RNF213: variants seen among roughly 807,000 people sequenced by gnomAD.
The protein encoded by RNF213 is ring finger protein 213.
A neutral mutation model predicts 514.4 loss-of-function variants in RNF213; 341 were observed. The ratio of observed to expected loss-of-function variants is 0.66; its 90% CI spans 0.61 to 0.73. The LOEUF is 0.73. RNF213 is among the 30% of genes least tolerant of loss of function. RNF213 has a pLI of 0.00. For missense variants in RNF213, 5,767 were observed against 6,615.6 expected, an observed-to-expected ratio of 0.87 and a Z score of 4.45; for synonymous variants, 2,655 against 2,658.2, an observed-to-expected ratio of 1.00 and a Z score of 0.04.
Position 80,354,635 on chromosome 17 carries a change from C to T in RNF213, c.10862+59C>T, listed in dbSNP as rs2078663313. On this transcript the variant is annotated intron_variant, in intron 36 of 67. Coordinates refer to ENST00000582970, the MANE Select transcript of RNF213 (RefSeq NM_001256071.3). Reference sequence around the variant, plus strand: ...AATCTGGTGGCAGCATGGGGACCTGCCTGCAGGGATCCTCTCTCCATCCGG... The same window carrying T: ...AATCTGGTGGCAGCATGGGGACCTGTCTGCAGGGATCCTCTCTCCATCCGG... 41 of 1,596,144 alleles carry T rather than the reference C, an allele frequency of 2.6e-5. 1 individual carries two copies. In the South Asian group the frequency reaches 4.4e-4, roughly 17 times the overall value.
intron 3 of RNF213, among the ~76,000 whole-genome samples, chr17:80,278,563 T>G (rs1008991682): frequency 3.9e-5 from 6 of 152,148 alleles, no homozygotes; most frequent in Admixed American, 1.3e-4. Context: ...AGGAGCTGCT[T>G]CTTCGTCTTC....
intron 14 of RNF213, among the ~76,000 whole-genome samples, chr17:80,311,924 C>T (rs563969682): frequency 3.9e-5 from 6 of 152,260 alleles, no homozygotes; most frequent in Admixed American, 2.0e-4. Flanking sequence ...GTTAGGAGTT[C>T]GAGACCAGCC....
intron 20 of RNF213, among the ~76,000 whole-genome samples, chr17:80,330,627 T>A (rs1481057994): frequency 6.6e-6 from 1 of 152,244 alleles, no homozygotes; most frequent in African/African-American, 2.4e-5. Context: ...AATTCATGTC[T>A]TCTGTTAGCT....
At chr17:80,391,071 C>T (rs1568176634) in intron 67 of RNF213, among the ~76,000 whole-genome samples, 1 of 151,204 alleles carries the variant, frequency 6.6e-6, no homozygotes, top group Non-Finnish European at 1.5e-5. Context: ...CAAAAACAAA[C>T]AAAAAAAAGA....
Position 80,343,095 on chromosome 17 carries a change from A to T in RNF213, c.5990-37A>T. ...AGTGCTAGGATTACAGGTGTGAGCC[A>T]CCACTCCCAGCCCTAATTTCTGTAT... is the stretch of plus-strand genomic sequence containing the variant. On this transcript the variant is annotated intron_variant, in intron 26 of 67. Coordinates refer to ENST00000582970, the MANE Select transcript of RNF213 (RefSeq NM_001256071.3). This position sits in a 1 kb window ranked among gnomAD's most constrained non-coding sequence, Gnocchi z 4.3. 6.4e-7 allele frequency: 1 copy of T among 1,561,210 alleles called. No individual in the cohort carries two copies. Among genetic ancestry groups the T allele is most frequent in the Non-Finnish European group, 8.8e-7 (1 of 1,132,208 alleles).
intron 35 of RNF213, 86 bp from the exon 36 acceptor site, chr17:80,354,355 C>A: frequency 6.2e-7 from 1 of 1,603,910 alleles, no homozygotes; most frequent in South Asian, 1.1e-5. Flanking sequence ...ACGGACTTCC[C>A]TTCCTGGGGG....
intron 38 of RNF213, among the ~76,000 whole-genome samples, chr17:80,361,183 G>T (rs542001313): frequency 9.8e-5 from 15 of 152,300 alleles, no homozygotes; most frequent in African/African-American, 3.6e-4. Flanking sequence ...TAGCTTGGCT[G>T]TTTCTGACCT....
At chr17:80,381,086 CG>C in intron 56 of RNF213, 99 bp downstream of exon 56, 1 of 1,203,078 alleles carries the variant, frequency 8.3e-7, no homozygotes, top group Middle Eastern at 1.9e-4. Context: ...GCCATCTATG[CG>C]TTTTGGAGAT....
At chr17:80,282,677 C>A (rs1419005429) in intron 3 of RNF213, among the ~76,000 whole-genome samples, 1 of 150,744 alleles carries the variant, frequency 6.6e-6, no homozygotes, top group Non-Finnish European at 1.5e-5. Flanking sequence ...GGATTACAGG[C>A]GTGAGCCACT....
At position 80,349,533 on chromosome 17, in the gene RNF213, G is replaced by A. The variant is rs575376200; in HGVS notation, c.9952-237G>A. Among the ~76,000 whole-genome samples the A allele has an allele frequency of 5.9e-5, 9 of 152,300 alleles. No individual in the cohort carries two copies. In the South Asian group the frequency reaches 8.3e-4, roughly 14 times the overall value. On this transcript the variant is annotated intron_variant, in intron 29 of 67. Transcript: ENST00000582970. ...AGACACGGGCCTCTGGGGAGGAGAG[G>A]AAGGCACCCTCGGGGCAGGGTGGGG...
chr17:80,333,694 C>CA (rs1186047325), intron 21 of RNF213: 1,707 of 145,084 alleles, frequency 0.012, 1 homozygote, highest in South Asian at 0.036. Flanking sequence ...ACTCTTATCT[C>CA]AAAAAAAAAA....
At position 80,346,172 on chromosome 17, in the gene RNF213, CG is replaced by C. The variant is rs764593065; in HGVS notation, c.7838del (p.Arg2613ProfsTer2). On this transcript the variant is annotated frameshift_variant, in exon 29 of 68. Transcript: ENST00000582970. LOFTEE classifies it high-confidence loss of function. This position sits in a 1 kb window ranked among gnomAD's most constrained non-coding sequence, Gnocchi z 8.1. Reference protein sequence around the residue: ...ESISLDENGTRVITEVLCASQ... With the variant: ...ESISLDENGTXVITEVLCASQ... ...CATCAGCCTAGATGAAAACGGGACT[CG>C]CGTGATCACAGAAGTCCTCTGCGCC... The C allele has an allele frequency of 5.0e-6, 8 of 1,614,012 alleles. No individual in the cohort carries two copies. In the African/African-American group the frequency reaches 1.1e-4, roughly 22 times the overall value.
intron 22 of RNF213, among the ~76,000 whole-genome samples, chr17:80,334,625 TTTTG>T (rs1007880720): frequency 6.6e-6 from 1 of 151,750 alleles, no homozygotes; most frequent in Non-Finnish European, 1.5e-5. Flanking sequence ...GGTTTTTTTT[TTTTG>T]TTTGTTTGTT....
At position 80,348,189 on chromosome 17, in the gene RNF213, A is replaced by G; in HGVS notation, c.9854A>G (p.Gln3285Arg). The G allele has an allele frequency of 6.2e-7, 1 of 1,613,888 alleles. No homozygotes were observed. Among genetic ancestry groups the G allele is most frequent in the Non-Finnish European group, 8.5e-7 (1 of 1,180,052 alleles). The change falls in exon 29 of 68, where the codon CAG becomes CGG. Residue 3285 changes from glutamine (Q) to arginine (R), a missense_variant. Coordinates refer to ENST00000582970, the MANE Select transcript of RNF213 (RefSeq NM_001256071.3). ...LGGFAAEWLS[Q>R]EYFHRQRHNS... ...GGGTTCGCAGCGGAGTGGCTGTCGC[A>G]GGAGTACTTTCACAGACAGAGGCAC...
chr17:80,293,157 A>C (rs989332701), intron 8 of RNF213, among the ~76,000 whole-genome samples: 1 of 152,066 alleles, frequency 6.6e-6, no homozygotes, highest in Non-Finnish European at 1.5e-5. Flanking sequence ...ACCAGGGCTC[A>C]GCTGATCCTC....
chr17:80,337,470 G>T, intron 23 of RNF213, 116 bp from the exon 24 acceptor site: 1 of 1,365,578 alleles, frequency 7.3e-7, no homozygotes, highest in South Asian at 1.4e-5. Flanking sequence ...GAGCCCTGGG[G>T]AAGCGTGGGG....
chr17:80,387,953 A>ATTT (rs35624579), intron 63 of RNF213, among the ~76,000 whole-genome samples: 44 of 111,328 alleles, frequency 4.0e-4, no homozygotes, highest in African/African-American at 5.8e-4. Context: ...GAGCCCATGG[A>ATTT]TTTTTTTTTT....
At chr17:80,261,896 A>G (rs1322505831) in intron 1 of RNF213, among the ~76,000 whole-genome samples, 1 of 152,222 alleles carries the variant, frequency 6.6e-6, no homozygotes, top group East Asian at 1.9e-4. Flanking sequence ...GCATGCCTGT[A>G]ACTCCACCTA....
chr17:80,383,074 A>G lies in RNF213; in HGVS notation c.14070+4A>G, dbSNP rs764275188. The G allele has an allele frequency of 2.5e-6, 4 of 1,606,034 alleles. No homozygotes were observed. In the South Asian group the frequency reaches 3.3e-5, roughly 13 times the overall value. ...TGTGATTTCTCCTGAACTGGAGGTA[A>G]GCAGTAAGTGCTGACAGCTGGGTTG... On this transcript the variant is annotated splice_donor_region_variant and intron_variant, in intron 58 of 67. Transcript: ENST00000582970.
Sources: gnomAD v4.1 joint callset for allele counts (sites outside exome capture counted in the v4.1 genomes callset) on GRCh38, gnomAD v4.1.1 for gene constraint, Gnocchi (gnomAD v3.1) non-coding constraint, MANE v1.5 for transcripts, NCBI Gene and HGNC (gene_info 2026-07-23, HGNC 2026-07-21) for gene names.